Variants in GFOD1 observed in about 807,000 individuals in gnomAD.
GFOD1 encodes the protein glucose-fructose oxidoreductase domain-containing protein 1.
Under a neutral mutation model 25.4 loss-of-function variants are expected in GFOD1, and 9 were observed. That is an observed-to-expected ratio of 0.35 (90% confidence interval 0.21 to 0.62). The LOEUF is 0.62. GFOD1 is among the 20% of genes least tolerant of loss of function. The pLI is 0.72. For synonymous variants in GFOD1, 253 were observed against 245.6 expected (o/e 1.03, Z -0.28); for missense variants, 403 against 556.9 (o/e 0.72, Z 2.78).
intron 1 of GFOD1, among the ~76,000 whole-genome samples, chr6:13,402,594 CTT>C (rs750447159): frequency 1.0e-4 from 1 of 9,750 alleles, no homozygotes; most frequent in Non-Finnish European, 3.3e-3. Context: ...CATCATCAGT[CTT>C]TAGGGAAATG....
At chr6:13,486,016 G>A in intron 1 of GFOD1, 1 of 985,750 alleles carries the variant, frequency 1.0e-6, no homozygotes, top group Non-Finnish European at 1.2e-6. Context: ...CTTGCCTCCA[G>A]CGCAGACGAA....
At chr6:13,452,225 G>A (rs937828453) in intron 1 of GFOD1, among the ~76,000 whole-genome samples, 7 of 152,202 alleles carry the variant, frequency 4.6e-5, no homozygotes, top group Non-Finnish European at 7.3e-5. Flanking sequence ...GGAGGATGCT[G>A]TAGTGGGTCA....
At chr6:13,411,685 G>C (rs753416754) in intron 1 of GFOD1, among the ~76,000 whole-genome samples, 17 of 152,188 alleles carry the variant, frequency 1.1e-4, no homozygotes, top group Non-Finnish European at 2.2e-4. Context: ...TTCCTGTACA[G>C]TGGCTGCACT....
At chr6:13,469,525 A>G in intron 1 of GFOD1, 1 of 1,016,716 alleles carries the variant, frequency 9.8e-7, no homozygotes, top group South Asian at 4.0e-5. Context: ...GACCATTGAT[A>G]CTGCAGCACA....
chr6:13,457,777 G>GA (rs1462558218), intron 1 of GFOD1, among the ~76,000 whole-genome samples: 3 of 152,218 alleles, frequency 2.0e-5, no homozygotes, highest in African/African-American at 7.2e-5. Context: ...GTTCTTACAA[G>GA]AAAAATGAAC....
chr6:13,409,377 AAG>A (rs1786029550), intron 1 of GFOD1, among the ~76,000 whole-genome samples: 1 of 151,256 alleles, frequency 6.6e-6, no homozygotes, highest in Admixed American at 6.6e-5. Context: ...GGAAGGAAGG[AAG>A]GAAGGAAGGA....
intron 1 of GFOD1, among the ~76,000 whole-genome samples, chr6:13,372,213 G>A (rs562073291): frequency 9.8e-4 from 150 of 152,312 alleles, no homozygotes; most frequent in Middle Eastern, 6.8e-3. Flanking sequence ...AACTTCTGAC[G>A]GGTTAGAGTG....
intron 1 of GFOD1, among the ~76,000 whole-genome samples, chr6:13,410,577 G>GGAGAGAGAGAGAGAGAGAGA (rs10530261): frequency 1.4e-4 from 18 of 128,176 alleles, no homozygotes; most frequent in East Asian, 2.3e-4. Flanking sequence ...AAGAAAGAAA[G>GGAGAGAGAGAGAGAGAGAGA]GAGAGAGAGA....
chr6:13,470,714 A>G, intron 1 of GFOD1: 7 of 1,434,776 alleles, frequency 4.9e-6, no homozygotes, highest in Non-Finnish European at 6.4e-6. Flanking sequence ...TTCATGTGGG[A>G]GATAAGAAGA....
chr6:13,434,101 G>T (rs1453632850), intron 1 of GFOD1, among the ~76,000 whole-genome samples: 1 of 152,254 alleles, frequency 6.6e-6, no homozygotes, highest in Non-Finnish European at 1.5e-5. Flanking sequence ...GGGAAGTCAA[G>T]GACAGGGCAT....
intron 1 of GFOD1, among the ~76,000 whole-genome samples, chr6:13,425,817 G>GA: frequency 7.2e-6 from 1 of 139,846 alleles, no homozygotes; most frequent in East Asian, 2.1e-4. Flanking sequence ...ATTGGAAGAA[G>GA]AAAAAATTGT....
chr6:13,394,717 C>T (rs1311580714), intron 1 of GFOD1, among the ~76,000 whole-genome samples: 1 of 151,922 alleles, frequency 6.6e-6, no homozygotes, highest in East Asian at 1.9e-4. Flanking sequence ...ACTGCAACCT[C>T]CACCTCCTGG....
chr6:13,428,578 C>A (rs1270754223), intron 1 of GFOD1, among the ~76,000 whole-genome samples: 1 of 152,156 alleles, frequency 6.6e-6, no homozygotes, highest in African/African-American at 2.4e-5. Flanking sequence ...GCTGCAAGAA[C>A]AACAATGGAA....
At chr6:13,405,927 G>A (rs1785935957) in intron 1 of GFOD1, among the ~76,000 whole-genome samples, 1 of 152,160 alleles carries the variant, frequency 6.6e-6, no homozygotes, top group African/African-American at 2.4e-5. Flanking sequence ...ACTCATCAGT[G>A]GCTTGAAGGG....
chr6:13,382,016 T>G (rs775146595), intron 1 of GFOD1, among the ~76,000 whole-genome samples: 3 of 151,794 alleles, frequency 2.0e-5, no homozygotes, highest in Non-Finnish European at 4.4e-5. Flanking sequence ...AGGAATCATC[T>G]CACTGAATCC....
intron 1 of GFOD1, among the ~76,000 whole-genome samples, chr6:13,482,377 G>A (rs1371965581): frequency 2.0e-5 from 3 of 150,992 alleles, no homozygotes; most frequent in African/African-American, 7.3e-5. Flanking sequence ...AAATTTTCAA[G>A]CTAATATTGT....
chr6:13,417,094 A>C (rs1052298621), intron 1 of GFOD1, among the ~76,000 whole-genome samples: 13 of 152,184 alleles, frequency 8.5e-5, no homozygotes, highest in African/African-American at 3.1e-4. Flanking sequence ...CATTATAAAC[A>C]CTGCACAATG....
intron 1 of GFOD1, chr6:13,470,620 A>G (rs2127577393): frequency 6.7e-7 from 1 of 1,481,902 alleles, no homozygotes; most frequent in Non-Finnish European, 9.0e-7. Flanking sequence ...TCTTCCTCTG[A>G]TGTCCTGGTT....
intron 1 of GFOD1, among the ~76,000 whole-genome samples, chr6:13,441,797 T>TGATA (rs928452333): frequency 1.3e-5 from 2 of 152,172 alleles, no homozygotes; most frequent in African/African-American, 4.8e-5. Flanking sequence ...GAAGTAAATG[T>TGATA]GATAGATAGA....
Sources: gnomAD v4.1 joint callset for allele counts (sites outside exome capture counted in the v4.1 genomes callset) on GRCh38, gnomAD v4.1.1 for gene constraint, MANE v1.5 for transcripts, NCBI Gene and HGNC (gene_info 2026-07-23, HGNC 2026-07-21) for gene names.